The following DHDDS variants were observed in gnomAD, a reference collection of about 807,000 sequenced individuals.
DHDDS encodes the protein dehydrodolichyl diphosphate synthase subunit, also known as dehydrodolichyl diphosphate synthase complex subunit DHDDS.
In DHDDS, 16 loss-of-function variants were observed where a neutral mutation model predicts 46.2. The observed-to-expected ratio is 0.35, with a 90% CI of 0.23 to 0.53. The LOEUF is 0.53. Ranked by LOEUF, DHDDS falls within the 20% of genes least tolerant of loss-of-function variation. The pLI, the probability that DHDDS is intolerant of heterozygous loss-of-function variation, is 0.94. For synonymous variants in DHDDS, 151 were observed against 163.1 expected, an observed-to-expected ratio of 0.93 and a Z score of 0.56; for missense variants, 340 against 423.7, an observed-to-expected ratio of 0.80 and a Z score of 1.73.
intron 3 of DHDDS, among the ~76,000 whole-genome samples, chr1:26,439,724 G>A (rs1031548358): frequency 2.6e-5 from 4 of 152,112 alleles, no homozygotes; most frequent in East Asian, 1.9e-4. Flanking sequence ...GAAAGTCCCC[G>A]GCAAACCAGG....
rs185620939 is a variant in DHDDS, at chr1:26,466,662, G to A, written c.766-2233G>A. ...CTCTGATGCCATCTGGAAGAAGCTT[G>A]CGCCTCATGAAGTGGCTTTAGCTAG... On this transcript the variant is annotated intron_variant, in intron 8 of 8. Transcript: ENST00000236342. Among the ~76,000 whole-genome samples the A allele has an allele frequency of 4.6e-5, 7 of 152,358 alleles. No individual in the cohort carries two copies. In the East Asian group the frequency reaches 1.3e-3, roughly 29 times the overall value.
intron 8 of DHDDS, chr1:26,467,461 A>G (rs1390614330): frequency 7.2e-6 from 3 of 416,308 alleles, no homozygotes; most frequent in South Asian, 3.4e-5. Flanking sequence ...GCCGGGGGGG[A>G]CAGTCCAGAA....
At chr1:26,436,190 G>A (rs926010189) in intron 2 of DHDDS, among the ~76,000 whole-genome samples, 2 of 151,754 alleles carry the variant, frequency 1.3e-5, no homozygotes, top group African/African-American at 4.8e-5. Context: ...TTGATCCCAG[G>A]AGTTCGAGAG....
intron 8 of DHDDS, among the ~76,000 whole-genome samples, chr1:26,462,438 G>T (rs1308417967): frequency 6.6e-6 from 1 of 152,160 alleles, no homozygotes; most frequent in East Asian, 1.9e-4. Flanking sequence ...GAATACCTGG[G>T]TTTGAGGTTT....
rs976808159 is a variant in DHDDS, at chr1:26,446,430, CAAGT to C, written c.440+3_440+6del. 2 of 1,612,822 alleles carry C rather than the reference CAAGT, an allele frequency of 1.2e-6. No homozygotes were observed. The highest frequency in any genetic ancestry group is 1.1e-5 in the South Asian group (1 of 91,046). ...CTGTACAGGCCACGAAGAACTACAACAAGTAAGTTCTCAGATTTCCCTATAGGGA... is the reference window on the plus strand; with the variant it reads ...CTGTACAGGCCACGAAGAACTACAACAAGTTCTCAGATTTCCCTATAGGGA... On this transcript the variant is annotated splice_donor_variant and coding_sequence_variant, in exon 5 of 9. Coordinates refer to ENST00000236342, the MANE Select transcript of DHDDS (RefSeq NM_205861.3). LOFTEE classifies it high-confidence loss of function.
At position 26,433,675 on chromosome 1, in the gene DHDDS, C is replaced by CAA. The variant is rs576315586; in HGVS notation, c.63+685_63+686dup. 7.5e-3 allele frequency among the ~76,000 whole-genome samples: 711 copies of CAA among 94,642 alleles called. 5 individuals carry two copies. The highest frequency in any genetic ancestry group is 0.023 in the African/African-American group (654 of 28,638). The allele number at this position is 94,642 out of a possible 152,430, so 62.1% of individuals were successfully genotyped here. A position where few individuals can be genotyped will look rare whatever the true frequency, so the allele number is the denominator to read the frequency against. On this transcript the variant is annotated intron_variant, in intron 2 of 8. Coordinates refer to ENST00000236342, the MANE Select transcript of DHDDS (RefSeq NM_205861.3). ...AAGAGTTCAGAACAAGACTCTGTCT[C>CAA]AAAAAAAAAAAAAAAAAAAGAGTTT...
intron 2 of DHDDS, among the ~76,000 whole-genome samples, chr1:26,435,265 C>T (rs1442328221): frequency 1.3e-5 from 2 of 151,974 alleles, no homozygotes; most frequent in African/African-American, 4.8e-5. Flanking sequence ...CCGCCTCGGC[C>T]TCCCAAAGTG....
intron 8 of DHDDS, among the ~76,000 whole-genome samples, chr1:26,465,356 T>A (rs2075473487): frequency 1.3e-5 from 2 of 152,200 alleles, no homozygotes; most frequent in African/African-American, 2.4e-5. Context: ...TATGTATGTA[T>A]GCATATATGT....
intron 6 of DHDDS, among the ~76,000 whole-genome samples, chr1:26,451,519 G>A (rs1017385171): frequency 6.7e-5 from 10 of 149,700 alleles, no homozygotes; most frequent in South Asian, 2.1e-4. Context: ...GCAGTGGCAC[G>A]CTCTCAACTC....
chr1:26,464,409 T>G (rs528010075), intron 8 of DHDDS, among the ~76,000 whole-genome samples: 1 of 152,358 alleles, frequency 6.6e-6, no homozygotes, highest in African/African-American at 2.4e-5. Context: ...TTAAGGCAGA[T>G]ACTATTATTA....
At chr1:26,457,282 A>C (rs1339655552) in intron 6 of DHDDS, among the ~76,000 whole-genome samples, 1 of 150,926 alleles carries the variant, frequency 6.6e-6, no homozygotes, top group Non-Finnish European at 1.5e-5. Flanking sequence ...AACATGGTGA[A>C]ACCCTGTCTC....
chr1:26,452,916 C>T (rs1356842838), intron 6 of DHDDS, among the ~76,000 whole-genome samples: 2 of 151,962 alleles, frequency 1.3e-5, no homozygotes, highest in Non-Finnish European at 1.5e-5. Flanking sequence ...CCTGGCAACA[C>T]GGCAAGACCC....
intron 6 of DHDDS, among the ~76,000 whole-genome samples, chr1:26,449,513 A>C (rs935032232): frequency 6.6e-6 from 1 of 151,744 alleles, no homozygotes; most frequent in African/African-American, 2.4e-5. Flanking sequence ...CAGTCCTCCC[A>C]CTTCAGCCTT....
At chr1:26,436,664 C>T (rs1045916880) in intron 2 of DHDDS, among the ~76,000 whole-genome samples, 2 of 151,650 alleles carry the variant, frequency 1.3e-5, no homozygotes, top group African/African-American at 4.8e-5. Flanking sequence ...ACCTCGTGAT[C>T]TACCCGCCTC....
chr1:26,434,483 A>AT (rs1048245068), intron 2 of DHDDS, among the ~76,000 whole-genome samples: 8 of 152,110 alleles, frequency 5.3e-5, no homozygotes, highest in African/African-American at 1.7e-4. Context: ...ACTTGAATGG[A>AT]TTTTGGGGGC....
At chr1:26,436,051 T>C (rs1275109827) in intron 2 of DHDDS, among the ~76,000 whole-genome samples, 1 of 150,752 alleles carries the variant, frequency 6.6e-6, no homozygotes, top group Non-Finnish European at 1.5e-5. Flanking sequence ...CACCTGGCCC[T>C]ATGAGTTCCT....
At chr1:26,462,615 C>T (rs1298831339) in intron 8 of DHDDS, 2 of 152,120 alleles carry the variant, frequency 1.3e-5, no homozygotes, top group Non-Finnish European at 2.9e-5. Context: ...TGAGAGTGAA[C>T]TGGCTCTGCA....
chr1:26,454,242 C>T (rs1334585504), intron 6 of DHDDS, among the ~76,000 whole-genome samples: 2 of 152,088 alleles, frequency 1.3e-5, no homozygotes, highest in Non-Finnish European at 2.9e-5. Flanking sequence ...CGTGAGCCAC[C>T]GCGCCTGGCC....
At chr1:26,434,127 CATA>C in intron 2 of DHDDS, among the ~76,000 whole-genome samples, 1 of 152,190 alleles carries the variant, frequency 6.6e-6, no homozygotes. Flanking sequence ...AAGCAGTTAG[CATA>C]ATGTCTAGCA....
Sources: allele counts gnomAD v4.1 joint callset (sites outside exome capture counted in the v4.1 genomes callset), GRCh38; gene constraint gnomAD v4.1.1; transcripts MANE v1.5; gene names NCBI Gene and HGNC (gene_info 2026-07-23, HGNC 2026-07-21).